Variants in AKR1B15 observed in about 807,000 individuals in gnomAD.
AKR1B15 encodes estradiol 17-beta-dehydrogenase AKR1B15.
A neutral mutation model predicts 38.5 loss-of-function variants in AKR1B15; 49 were observed. The observed-to-expected ratio is 1.27, with a 90% CI of 1.01 to 1.62. The LOEUF (loss-of-function observed/expected upper bound fraction) is 1.62. AKR1B15 is among the 40% of genes most tolerant of loss of function. AKR1B15 has a pLI of 0.00. For missense variants in AKR1B15, 411 were observed against 381.6 expected, an observed-to-expected ratio of 1.08 and a Z score of -0.64; for synonymous variants, 137 against 135.5, an observed-to-expected ratio of 1.01 and a Z score of -0.08.
At chr7:134,551,129 A>G (rs1440306634) in intron 1 of AKR1B15, among the ~76,000 whole-genome samples, 2 of 152,102 alleles carry the variant, frequency 1.3e-5, no homozygotes, top group African/African-American at 2.4e-5. Context: ...TCTGAAGAAG[A>G]GGAAAGTTTT....
intron 8 of AKR1B15, 120 bp downstream of exon 8, chr7:134,576,047 G>A (rs1794762825): frequency 2.9e-5 from 42 of 1,472,158 alleles, no homozygotes; most frequent in Non-Finnish European, 3.3e-5. Context: ...AAGGTAACAC[G>A]TTTGGTACAC....
chr7:134,577,768 G>A lies in AKR1B15; in HGVS notation c.974G>A (p.Arg325Lys). The change falls in exon 11 of 12, where the codon AGG becomes AAG. Residue 325 changes from arginine to lysine, a missense_variant. Around this residue, in one of 3 missense-constraint regions of AKR1B15, gnomAD observed 133 missense variants for 120.3 expected, o/e 1.11. Transcript: ENST00000457545. Reference protein sequence around the residue: ...ATILSFNRNWRAFDFKEFSHL... With the variant: ...ATILSFNRNWKAFDFKEFSHL... ...ATACTCAGCTTCAACAGAAACTGGA[G>A]GGCCTTTGACTTCAAGGAGTAAGTG... 6.2e-7 allele frequency: 1 copy of A among 1,613,928 alleles called. No individual in the cohort carries two copies. Among genetic ancestry groups the A allele is most frequent in the Non-Finnish European group, 8.5e-7 (1 of 1,179,936 alleles).
chr7:134,558,158 G>A (rs1407277483), intron 2 of AKR1B15, among the ~76,000 whole-genome samples: 1 of 152,158 alleles, frequency 6.6e-6, no homozygotes, highest in Admixed American at 6.5e-5. Context: ...GGGTGTATAA[G>A]AATTTACACC....
intron 5 of AKR1B15, chr7:134,570,345 T>C (rs1345546846): frequency 6.6e-6 from 1 of 152,200 alleles, no homozygotes. Context: ...GGTCCTGTGA[T>C]CTTGCCCTGC....
Position 134,575,556 on chromosome 7 carries a change from A to C in AKR1B15, c.636+14A>C. On this transcript the variant is annotated intron_variant, in intron 7 of 11. Coordinates refer to ENST00000457545, the MANE Select transcript of AKR1B15 (RefSeq NM_001080538.3). ...GTGACTAACCAGGTAAATTCTATTC[A>C]GTTTAAGGGTAAGGGTCCTGCCCTA... The C allele has an allele frequency of 6.2e-7, 1 of 1,613,674 alleles. No individual in the cohort carries two copies. Among genetic ancestry groups the C allele is most frequent in the Non-Finnish European group, 8.5e-7 (1 of 1,179,726 alleles).
chr7:134,553,344 C>T (rs1794059576), intron 1 of AKR1B15, among the ~76,000 whole-genome samples: 1 of 152,250 alleles, frequency 6.6e-6, no homozygotes, highest in African/African-American at 2.4e-5. Flanking sequence ...GGCCCCTGCT[C>T]TTGCCCTCCC....
intron 2 of AKR1B15, among the ~76,000 whole-genome samples, chr7:134,557,339 C>CA (rs1201818779): frequency 6.6e-6 from 1 of 152,136 alleles, no homozygotes; most frequent in Non-Finnish European, 1.5e-5. Flanking sequence ...ACCGAGGAAT[C>CA]AATGATCTGA....
chr7:134,570,952 G>C (rs1794655985), intron 5 of AKR1B15, among the ~76,000 whole-genome samples: 1 of 152,188 alleles, frequency 6.6e-6, no homozygotes, highest in South Asian at 2.1e-4. Context: ...GAAACCTCTT[G>C]GGTTATTCTT....
chr7:134,559,089 A>G (rs1379319860), intron 2 of AKR1B15, among the ~76,000 whole-genome samples: 1 of 152,186 alleles, frequency 6.6e-6, no homozygotes, highest in Non-Finnish European at 1.5e-5. Flanking sequence ...AACTCTAAAA[A>G]GAGCTTAATA....
In AKR1B15 at chr7:134,571,616, T is replaced by G. The variant is rs1288901474; in HGVS notation, c.448T>G (p.Phe150Val). Residue 150 changes from phenylalanine to valine, a missense_variant, in exon 6 of 12, where the codon TTT (phenylalanine) becomes GTT (valine). This residue lies in a region of AKR1B15 where 254 missense variants were observed against 212.4 expected (regional missense o/e 1.20). Coordinates refer to ENST00000457545, the MANE Select transcript of AKR1B15 (RefSeq NM_001080538.3). ...WPQGFKTGDD[F>V]FPKDDKGNMI... ...TCTGTATTTACAGACTGGGGATGAC[T>G]TTTTCCCCAAAGATGATAAAGGTAA... The G allele has an allele frequency of 1.2e-6, 2 of 1,609,400 alleles. No individual in the cohort carries two copies. The highest frequency in any genetic ancestry group is 1.7e-5 in the Admixed American group (1 of 59,636).
intron 5 of AKR1B15, 51 bp downstream of exon 5, chr7:134,569,580 T>G: frequency 3.8e-6 from 6 of 1,594,876 alleles, no homozygotes; most frequent in Middle Eastern, 1.7e-4. Flanking sequence ...GTTGCAGGAA[T>G]TCAGGGACCC....
chr7:134,579,091 A>G (rs1476532563), intron 11 of AKR1B15, among the ~76,000 whole-genome samples: 1 of 152,196 alleles, frequency 6.6e-6, no homozygotes, highest in Non-Finnish European at 1.5e-5. Flanking sequence ...GCTAACATCC[A>G]TTGAACCTTA....
chr7:134,569,773 G>T (rs1794627257), intron 5 of AKR1B15: 4 of 419,126 alleles, frequency 9.5e-6, no homozygotes, highest in Non-Finnish European at 1.7e-5. Flanking sequence ...GTACTTTTGT[G>T]ATTTCCTATG....
intron 4 of AKR1B15, among the ~76,000 whole-genome samples, 163 bp from the exon 5 acceptor site, chr7:134,569,250 A>G (rs1460916460): frequency 6.6e-6 from 1 of 152,218 alleles, no homozygotes; most frequent in African/African-American, 2.4e-5. Flanking sequence ...TGAGGTGCTG[A>G]GCCCTGGCGA....
chr7:134,564,746 C>T lies in AKR1B15; in HGVS notation c.127C>T (p.Pro43Ser), dbSNP rs1794494602. 2 of 688,846 alleles carry T rather than the reference C, an allele frequency of 2.9e-6. No homozygotes were observed. Among genetic ancestry groups the T allele is most frequent in the Non-Finnish European group, 5.3e-6 (2 of 379,214 alleles). The allele number at this position is 688,846 out of a possible 1,614,324, so 42.7% of individuals were successfully genotyped here. A position where few individuals can be genotyped will look rare whatever the true frequency, so the allele number is the denominator to read the frequency against. The stretch of plus-strand genomic sequence containing the variant: ...TCTGAAGGACACTACAAGTGCAGGG[C>T]CCCTTCTTCGCCCCTATCCAGCAGT... ...SLLKDTTSAG[P>S]LLRPYPASLL... The change falls in exon 3 of 12, where the codon CCC becomes TCC. Residue 43 changes from proline (P) to serine (S), a missense_variant. Transcript: ENST00000457545.
intron 4 of AKR1B15, 129 bp downstream of exon 4, chr7:134,568,454 C>A: frequency 7.4e-7 from 1 of 1,356,012 alleles, no homozygotes; most frequent in Non-Finnish European, 1.0e-6. Context: ...TTGATAACAT[C>A]CGTGGATACA....
chr7:134,561,201 G>A (rs1456459527), intron 2 of AKR1B15, among the ~76,000 whole-genome samples: 1 of 152,136 alleles, frequency 6.6e-6, no homozygotes, highest in African/African-American at 2.4e-5. Flanking sequence ...ACCAGATTAT[G>A]AGGCATGCAT....
chr7:134,556,467 TTCTG>T (rs1274774345), intron 1 of AKR1B15, among the ~76,000 whole-genome samples: 13 of 152,120 alleles, frequency 8.5e-5, no homozygotes, highest in Admixed American at 2.6e-4. Flanking sequence ...AGGGAATGCC[TTCTG>T]TCTAATTAGC....
intron 2 of AKR1B15, among the ~76,000 whole-genome samples, chr7:134,559,507 A>C (rs1348266443): frequency 6.6e-6 from 1 of 152,208 alleles, no homozygotes; most frequent in Non-Finnish European, 1.5e-5. Flanking sequence ...CCATGGCCCA[A>C]GAGCCCTCTA....
Sources: gnomAD v4.1 joint callset for allele counts (sites outside exome capture counted in the v4.1 genomes callset) on GRCh38, gnomAD v4.1.1 for gene constraint, gnomAD v4.1.1 regional missense constraint, MANE v1.5 for transcripts, NCBI Gene and HGNC (gene_info 2026-07-23, HGNC 2026-07-21) for gene names.